Variants in MSTO1 observed in about 807,000 individuals in gnomAD.
MSTO1 encodes the protein misato mitochondrial distribution and morphology regulator 1.
Under a neutral mutation model 55.7 loss-of-function variants are expected in MSTO1, and 24 were observed. The ratio of observed to expected loss-of-function variants is 0.43; its 90% CI spans 0.31 to 0.61. MSTO1 has a LOEUF of 0.61. Ranked by LOEUF, MSTO1 falls within the 20% of genes least tolerant of loss-of-function variation. The probability of loss-of-function intolerance (pLI) is 0.09; values close to 1 mark genes in which losing one functional copy is unlikely to be tolerated. For missense variants in MSTO1, 363 were observed against 625.7 expected, an observed-to-expected ratio of 0.58 and a Z score of 4.48; for synonymous variants, 162 against 252.8, an observed-to-expected ratio of 0.64 and a Z score of 3.41.
At chr1:155,591,008 T>C in the MSTO1 span, 1 of 1,613,738 alleles carries the variant, frequency 6.2e-7, no homozygotes, top group African/African-American at 1.3e-5. Flanking sequence ...AGGAGGGTGA[T>C]GACACAGACG....
chr1:155,574,256 G>T, the MSTO1 span, among the ~76,000 whole-genome samples: 2 of 152,154 alleles, frequency 1.3e-5, no homozygotes, highest in South Asian at 2.1e-4. Flanking sequence ...TACTTGAGAG[G>T]CTGAAGTCCA....
In MSTO1 at chr1:155,614,530, C is replaced by T; in HGVS notation, c.*257C>T. On this transcript the variant is annotated 3_prime_UTR_variant, in exon 14 of 14. Coordinates refer to ENST00000245564, the MANE Select transcript of MSTO1 (RefSeq NM_018116.4). Reference sequence around the variant, plus strand: ...CATCTGTAAAGTCTTCATAAAAGACCTTGAATGATGCCTAGGATGGCAGAG... The same window carrying T: ...CATCTGTAAAGTCTTCATAAAAGACTTTGAATGATGCCTAGGATGGCAGAG... The T allele has an allele frequency of 3.2e-6, 2 of 624,676 alleles. No individual in the cohort carries two copies. Among genetic ancestry groups the T allele is most frequent in the Non-Finnish European group, 5.8e-6 (2 of 346,028 alleles). The allele number at this position is 624,676 out of a possible 1,614,324, so 38.7% of individuals were successfully genotyped here. A position where few individuals can be genotyped will look rare whatever the true frequency, so the allele number is the denominator to read the frequency against.
the MSTO1 span, chr1:155,590,689 C>A: frequency 6.7e-7 from 1 of 1,502,736 alleles, no homozygotes; most frequent in Non-Finnish European, 9.0e-7. Flanking sequence ...ATGGCTGGGG[C>A]CCCGTGACCC....
At chr1:155,594,996 G>A in the MSTO1 span, among the ~76,000 whole-genome samples, 1 of 152,014 alleles carries the variant, frequency 6.6e-6, no homozygotes, top group African/African-American at 2.4e-5. Flanking sequence ...AAATTAGCCA[G>A]ATGTGGTGGT....
At chr1:155,608,348 G>C (rs1289644298), upstream of MSTO1, among the ~76,000 whole-genome samples, 14 of 152,116 alleles carry the variant, frequency 9.2e-5, no homozygotes, top group African/African-American at 3.1e-4. Flanking sequence ...TTATAGAGAG[G>C]ATAGGGGGAG....
upstream of MSTO1, chr1:155,610,023 G>C: frequency 3.5e-6 from 2 of 566,948 alleles, no homozygotes; most frequent in Admixed American, 3.4e-5. Flanking sequence ...CAACGGCGTG[G>C]CCCGTGGAGC....
At chr1:155,598,311 C>G in the MSTO1 span, among the ~76,000 whole-genome samples, 18 of 152,280 alleles carry the variant, frequency 1.2e-4, no homozygotes, top group East Asian at 3.3e-3. Flanking sequence ...GACAGGGTTT[C>G]TCCATGTTGG....
chr1:155,603,527 C>T, the MSTO1 span, among the ~76,000 whole-genome samples: 11 of 152,194 alleles, frequency 7.2e-5, no homozygotes, highest in African/African-American at 1.9e-4. Context: ...TTGAATAGCA[C>T]GATTAACACA....
At chr1:155,580,117 G>C in the MSTO1 span, among the ~76,000 whole-genome samples, 1 of 151,678 alleles carries the variant, frequency 6.6e-6, no homozygotes, top group South Asian at 2.1e-4. Flanking sequence ...ATTCTCTCTG[G>C]GTATAGTGGC....
chr1:155,597,254 A>C, the MSTO1 span, among the ~76,000 whole-genome samples: 1 of 152,052 alleles, frequency 6.6e-6, no homozygotes, highest in African/African-American at 2.4e-5. Context: ...GGATCACCTG[A>C]GGTCAGGAGT....
chr1:155,609,914 C>G (rs373032611), upstream of MSTO1: 20 of 351,392 alleles, frequency 5.7e-5, no homozygotes, highest in African/African-American at 3.5e-4. Context: ...GATAAGACCT[C>G]AAGACAAGTA....
At chr1:155,607,732 T>C (rs1409702059), upstream of MSTO1, among the ~76,000 whole-genome samples, 3 of 152,220 alleles carry the variant, frequency 2.0e-5, no homozygotes, top group Non-Finnish European at 4.4e-5. Flanking sequence ...GCCGGGCATA[T>C]TGGCTCACGC....
the MSTO1 span, among the ~76,000 whole-genome samples, chr1:155,603,930 T>C: frequency 6.6e-6 from 1 of 152,080 alleles, no homozygotes; most frequent in Non-Finnish European, 1.5e-5. Flanking sequence ...ATTCACATAA[T>C]ATATTTTATT....
chr1:155,602,261 T>G, the MSTO1 span: 10 of 365,224 alleles, frequency 2.7e-5, no homozygotes, highest in South Asian at 5.2e-5. Context: ...GGTGAATCAC[T>G]TGAGGTCGGA....
upstream of MSTO1, among the ~76,000 whole-genome samples, chr1:155,608,617 C>G (rs919712641): frequency 1.3e-5 from 2 of 150,284 alleles, no homozygotes; most frequent in Admixed American, 6.6e-5. Flanking sequence ...GTCCTGCCTC[C>G]GCCTCCCAAG....
chr1:155,567,919 C>T, the MSTO1 span, among the ~76,000 whole-genome samples: 12 of 151,396 alleles, frequency 7.9e-5, no homozygotes. Flanking sequence ...CGCGTGTAAT[C>T]CCACCTACTT....
At chr1:155,600,634 A>T in the MSTO1 span, among the ~76,000 whole-genome samples, 1 of 151,524 alleles carries the variant, frequency 6.6e-6, no homozygotes, top group African/African-American at 2.4e-5. Flanking sequence ...TGCAACCTGC[A>T]TCCCCCGGGT....
Position 155,612,175 on chromosome 1 carries a change from C to G in MSTO1, c.679-7C>G, listed in dbSNP as rs112951003. 2 of 1,613,866 alleles carry G rather than the reference C, an allele frequency of 1.2e-6. No individual in the cohort carries two copies. Among genetic ancestry groups the G allele is most frequent in the Non-Finnish European group, 1.7e-6 (2 of 1,179,870 alleles). ...CTAACTATCTTTTGTCACTCACCCCCGTCCAGGGCTTCCAGATCCTGTGTG... is the reference window on the plus strand; with the variant it reads ...CTAACTATCTTTTGTCACTCACCCCGGTCCAGGGCTTCCAGATCCTGTGTG... On this transcript the variant is annotated splice_polypyrimidine_tract_variant and splice_region_variant and intron_variant, in intron 7 of 13. Coordinates refer to ENST00000245564, the MANE Select transcript of MSTO1 (RefSeq NM_018116.4).
upstream of MSTO1, chr1:155,610,055 C>T (rs1673483162): frequency 4.9e-6 from 3 of 616,992 alleles, no homozygotes; most frequent in African/African-American, 1.9e-5. Flanking sequence ...CAGGCAACCA[C>T]AGAGAAGCCG....
Sources: gnomAD v4.1 joint callset for allele counts (sites outside exome capture counted in the v4.1 genomes callset) on GRCh38, gnomAD v4.1.1 for gene constraint, MANE v1.5 for transcripts, NCBI Gene and HGNC (gene_info 2026-07-23, HGNC 2026-07-21) for gene names.